PDSS1: variants seen among roughly 807,000 people sequenced by gnomAD.
The protein encoded by PDSS1 is decaprenyl diphosphate synthase subunit 1.
PDSS1 carries 43 observed loss-of-function variants against 57.5 expected under a neutral mutation model. That is an observed-to-expected ratio of 0.75 (90% CI 0.59 to 0.96). The LOEUF is 0.96. Ranked by LOEUF, PDSS1 falls within the 50% of genes least tolerant of loss-of-function variation. The pLI is 0.00. For synonymous variants in PDSS1, 175 were observed against 191.3 expected, an observed-to-expected ratio of 0.91 and a Z score of 0.70; for missense variants, 438 against 527.8, an observed-to-expected ratio of 0.83 and a Z score of 1.67.
At chr10:26,701,012 A>G (rs530825751) in intron 1 of PDSS1, among the ~76,000 whole-genome samples, 28 of 152,286 alleles carry the variant, frequency 1.8e-4, no homozygotes, top group African/African-American at 6.5e-4. Context: ...TGAAAGTGAT[A>G]TGGACGATGA....
chr10:26,738,886 C>T (rs186738856), intron 10 of PDSS1, among the ~76,000 whole-genome samples: 1 of 152,306 alleles, frequency 6.6e-6, no homozygotes, highest in East Asian at 1.9e-4. Flanking sequence ...CAGGGGATGA[C>T]AGCGTCCTCC....
chr10:26,746,660 A>G lies in PDSS1; in HGVS notation c.*187A>G, dbSNP rs1836952164. On this transcript the variant is annotated 3_prime_UTR_variant, in exon 12 of 12. Transcript: ENST00000376215. The stretch of plus-strand genomic sequence containing the variant: ...TCAGAAAACTTTTTAAATGTAATTA[A>G]TAAACCACCTGAATCTGTCATTCTA... 1.7e-6 allele frequency: 1 copy of G among 598,200 alleles called. No individual in the cohort carries two copies. The highest frequency in any genetic ancestry group is 3.0e-6 in the Non-Finnish European group (1 of 337,636). The allele number at this position is 598,200 out of a possible 1,614,324, so 37.1% of individuals were successfully genotyped here.
chr10:26,738,967 A>G (rs1836494267), intron 10 of PDSS1, among the ~76,000 whole-genome samples: 1 of 152,234 alleles, frequency 6.6e-6, no homozygotes, highest in Non-Finnish European at 1.5e-5. Flanking sequence ...AAAGCTTCAG[A>G]AACAAAATGG....
At chr10:26,727,827 A>G (rs1307107376) in intron 8 of PDSS1, among the ~76,000 whole-genome samples, 2 of 152,138 alleles carry the variant, frequency 1.3e-5, no homozygotes, top group East Asian at 3.8e-4. Context: ...GTCTCTTGTC[A>G]TCTAGAACAG....
At position 26,714,030 on chromosome 10, in the gene PDSS1, C is replaced by G. The variant is rs148366346; in HGVS notation, c.467+4262C>G. ...CTACCCAGTCCTGTATCCTCTCCCC[C>G]TCCCTCAGGTGTCAGTAATCCCAAG... On this transcript the variant is annotated intron_variant, in intron 5 of 11. Transcript: ENST00000376215. Among the ~76,000 whole-genome samples the G allele has an allele frequency of 2.9e-3, 439 of 152,298 alleles. 3 individuals carry two copies. The highest frequency in any genetic ancestry group is 0.014 in the Middle Eastern group (4 of 294).
chr10:26,737,657 G>C (rs1249193066), intron 10 of PDSS1, among the ~76,000 whole-genome samples: 2 of 145,848 alleles, frequency 1.4e-5, no homozygotes, highest in East Asian at 4.4e-4. Flanking sequence ...CTTGAACCTG[G>C]GAGGCAGAGG....
chr10:26,744,319 TCACCA>T (rs140745356), intron 11 of PDSS1, among the ~76,000 whole-genome samples: 6,046 of 152,276 alleles, frequency 0.04, 158 homozygotes, highest in Non-Finnish European at 0.059. Context: ...CAAAAGAAAG[TCACCA>T]CACATCAGGA....
chr10:26,701,821 T>A (rs929538884), intron 1 of PDSS1: 2 of 453,900 alleles, frequency 4.4e-6, no homozygotes, highest in Non-Finnish European at 8.8e-6. Context: ...GAATGGTAGG[T>A]CCACCAACAG....
Position 26,742,527 on chromosome 10 carries a change from C to T in PDSS1, c.1057C>T (p.Arg353Trp), listed in dbSNP as rs751052685. Residue 353 changes from arginine to tryptophan, a missense_variant, in exon 11 of 12, where the codon CGG becomes TGG. Around this residue, in one of 2 missense-constraint regions of PDSS1, gnomAD observed 284 missense variants for 390.7 expected, o/e 0.73. Transcript: ENST00000376215. ...AGAAATGAATGCTATGATCATGCGA[C>T]GGTTCAGTTTGCCTGGAGATGTAGA... Reference protein sequence around the residue: ...FPEMNAMIMRRFSLPGDVDRA... With the variant: ...FPEMNAMIMRWFSLPGDVDRA... 9.3e-6 allele frequency: 15 copies of T among 1,612,188 alleles called. No homozygotes were observed. The highest frequency in any genetic ancestry group is 5.3e-5 in the African/African-American group (4 of 74,814).
At chr10:26,702,406 T>C (rs1401372047) in intron 2 of PDSS1, among the ~76,000 whole-genome samples, 1 of 152,158 alleles carries the variant, frequency 6.6e-6, no homozygotes, top group Non-Finnish European at 1.5e-5. Flanking sequence ...GTGGAGGTAA[T>C]TGGATCCTGG....
rs1203931422 is a variant in PDSS1, at chr10:26,704,083, C to CAAA, written c.163-577_163-575dup. 3.7e-3 allele frequency among the ~76,000 whole-genome samples: 116 copies of CAAA among 31,074 alleles called. 21 individuals are homozygous for CAAA. Among genetic ancestry groups the CAAA allele is most frequent in the Non-Finnish European group, 6.3e-3 (103 of 16,370 alleles). The allele number at this position is 31,074 out of a possible 152,430, so 20.4% of individuals were successfully genotyped here. A position where few individuals can be genotyped will look rare whatever the true frequency, so the allele number is the denominator to read the frequency against. ...GACGACAGAACGAGACTCCGTCTCA[C>CAAA]AAAAAAAAAAAAAAAAAAATATGGC... On this transcript the variant is annotated intron_variant, in intron 2 of 11. Coordinates refer to ENST00000376215, the MANE Select transcript of PDSS1 (RefSeq NM_014317.5).
chr10:26,702,248 T>TTTTTTTTTTTTTGAGAC (rs1835075662), intron 2 of PDSS1, 54 bp downstream of exon 2: 1 of 433,288 alleles, frequency 2.3e-6, no homozygotes, highest in African/African-American at 2.0e-5. Flanking sequence ...TTAAGACTTT[T>TTTTTTTTTTTTTGAGAC]GGGGACTGTT....
chr10:26,733,670 G>C (rs894865995), intron 8 of PDSS1, among the ~76,000 whole-genome samples: 1 of 152,048 alleles, frequency 6.6e-6, no homozygotes, highest in African/African-American at 2.4e-5. Flanking sequence ...GGTGGAGGAG[G>C]ATTATTTGTA....
intron 8 of PDSS1, among the ~76,000 whole-genome samples, chr10:26,728,913 G>T (rs745306244): frequency 6.6e-6 from 1 of 151,292 alleles, no homozygotes; most frequent in Non-Finnish European, 1.5e-5. Context: ...TGAGTAGCTG[G>T]GATTACATGC....
chr10:26,724,136 T>C lies in PDSS1; in HGVS notation c.831+13T>C, dbSNP rs1449898172. On this transcript the variant is annotated intron_variant, in intron 8 of 11. Transcript: ENST00000376215. The stretch of plus-strand genomic sequence containing the variant: ...CAGTTGTAAAGCAGTATGTACGTTC[T>C]GTCTTTCTTCAAGTTAAAGCCTCAT... 1.3e-6 allele frequency: 2 copies of C among 1,553,532 alleles called. No individual in the cohort carries two copies. The highest frequency in any genetic ancestry group is 1.8e-6 in the Non-Finnish European group (2 of 1,124,672).
intron 11 of PDSS1, among the ~76,000 whole-genome samples, chr10:26,745,532 TAACTA>T (rs984968491): frequency 3.9e-5 from 6 of 151,940 alleles, no homozygotes; most frequent in African/African-American, 1.5e-4. Flanking sequence ...TAACAGGTAA[TAACTA>T]AAATTGGTAA....
At chr10:26,699,656 C>G (rs564685963) in intron 1 of PDSS1, among the ~76,000 whole-genome samples, 2 of 152,244 alleles carry the variant, frequency 1.3e-5, no homozygotes, top group African/African-American at 4.8e-5. Flanking sequence ...CTCGGCCTCC[C>G]AAAGTGCGGG....
chr10:26,701,242 T>C (rs1835043657), intron 1 of PDSS1, among the ~76,000 whole-genome samples: 1 of 152,242 alleles, frequency 6.6e-6, no homozygotes, highest in Non-Finnish European at 1.5e-5. Context: ...GAAGATGTGA[T>C]AGAAAAGAAT....
In PDSS1 at chr10:26,742,561, G is replaced by C. The variant is rs767162524; in HGVS notation, c.1091G>C (p.Arg364Pro). 1 of 1,608,156 alleles carries C rather than the reference G, an allele frequency of 6.2e-7. No homozygotes were observed. Among genetic ancestry groups the C allele is most frequent in the Non-Finnish European group, 8.5e-7 (1 of 1,175,092 alleles). The change falls in exon 11 of 12, where the codon CGA (arginine) becomes CCA (proline). Residue 364 changes from arginine to proline, a missense_variant. Physicochemically the swap from Arg to Pro is moderately radical, Grantham distance 103 (BLOSUM62 -2). Transcript: ENST00000376215. ...FSLPGDVDRA[R>P]QYVLQSDGVQ... ...TTGCCTGGAGATGTAGACAGAGCTC[G>C]ACAGTATGTACTACAGGTAAGACTG...
Sources: gnomAD v4.1 joint callset for allele counts (sites outside exome capture counted in the v4.1 genomes callset) on GRCh38, gnomAD v4.1.1 for gene constraint, gnomAD v4.1.1 regional missense constraint, MANE v1.5 for transcripts, NCBI Gene and HGNC (gene_info 2026-07-23, HGNC 2026-07-21) for gene names.